CDH13: variants seen among roughly 807,000 people sequenced by gnomAD.
CDH13 encodes cadherin 13, also known as cadherin-13.
In CDH13, 24 loss-of-function variants were observed where a neutral mutation model predicts 63.8. The observed-to-expected ratio is 0.38, with a 90% CI of 0.27 to 0.53. CDH13 has a LOEUF of 0.53. Ranked by LOEUF, CDH13 falls within the 20% of genes least tolerant of loss-of-function variation. The probability of loss-of-function intolerance (pLI) is 0.85; values close to 1 mark genes in which losing one functional copy is unlikely to be tolerated. For synonymous variants in CDH13, 503 were observed against 355.3 expected (o/e 1.42, Z -4.67); for missense variants, 1,049 against 903.1 (o/e 1.16, Z -2.07).
chr16:82,838,889 A>G (rs11645173), intron 1 of CDH13, among the ~76,000 whole-genome samples: 48,101 of 152,060 alleles, frequency 0.32, 8,839 homozygotes, highest in East Asian at 0.81. Context: ...AGTGGGTTCA[A>G]CCCACAAGTC....
chr16:82,728,992 C>G (rs915877726), intron 1 of CDH13, among the ~76,000 whole-genome samples: 4 of 152,166 alleles, frequency 2.6e-5, no homozygotes, highest in South Asian at 2.1e-4. Flanking sequence ...CTATAAGAAG[C>G]AACTCCTCAT....
intron 5 of CDH13, among the ~76,000 whole-genome samples, chr16:83,332,002 T>C (rs1946283): frequency 0.57 from 87,103 of 151,968 alleles, 25,029 homozygotes; most frequent in Middle Eastern, 0.67. Flanking sequence ...GTGATGGGTG[T>C]TAACAAATTG....
At chr16:83,383,259 C>G (rs1158943457) in intron 6 of CDH13, 1 of 152,340 alleles carries the variant, frequency 6.6e-6, no homozygotes, top group African/African-American at 2.4e-5. Flanking sequence ...TGCTGGGGCA[C>G]ACACAACCAA....
chr16:83,584,102 G>A (rs1265766624), intron 7 of CDH13, among the ~76,000 whole-genome samples: 1 of 152,112 alleles, frequency 6.6e-6, no homozygotes, highest in African/African-American at 2.4e-5. Flanking sequence ...GGCCAAGATG[G>A]GCGGATCACG....
intron 2 of CDH13, among the ~76,000 whole-genome samples, chr16:82,990,812 A>T (rs773896335): frequency 9.9e-5 from 15 of 152,234 alleles, no homozygotes; most frequent in Non-Finnish European, 2.1e-4. Flanking sequence ...AAGTACTGGG[A>T]TTACAGGTGT....
intron 10 of CDH13, among the ~76,000 whole-genome samples, chr16:83,708,104 G>A (rs931859282): frequency 2.0e-5 from 3 of 152,260 alleles, no homozygotes; most frequent in East Asian, 1.9e-4. Context: ...GAACAGGCAA[G>A]CCAGAGTGCC....
At chr16:83,051,800 G>A (rs2030366361) in intron 3 of CDH13, among the ~76,000 whole-genome samples, 1 of 152,200 alleles carries the variant, frequency 6.6e-6, no homozygotes, top group African/African-American at 2.4e-5. Flanking sequence ...TATGAAGGAT[G>A]AAGTGTTCAA....
intron 7 of CDH13, among the ~76,000 whole-genome samples, chr16:83,567,622 G>C (rs922247472): frequency 6.6e-6 from 1 of 152,124 alleles, no homozygotes; most frequent in Admixed American, 6.6e-5. Flanking sequence ...TTGAGACAGA[G>C]TCTCACTCTG....
rs373196037 is a variant in CDH13, at chr16:82,842,119, T to C, written c.46-16243T>C. Reference sequence around the variant, plus strand: ...ATATATATATATATATATGTATATATATATATATATATATATATACACATA... The same window carrying C: ...ATATATATATATATATATGTATATACATATATATATATATATATACACATA... On this transcript the variant is annotated intron_variant, in intron 1 of 13. Transcript: ENST00000567109. 6.9e-4 allele frequency among the ~76,000 whole-genome samples: 32 copies of C among 46,488 alleles called. 1 individual carries two copies. Among genetic ancestry groups the C allele is most frequent in the Non-Finnish European group, 1.0e-3 (20 of 19,500 alleles). 30.5% of individuals were successfully genotyped at this position (46,488 alleles called of 152,430 possible).
At chr16:83,061,049 G>C (rs558561069) in intron 3 of CDH13, among the ~76,000 whole-genome samples, 1 of 152,290 alleles carries the variant, frequency 6.6e-6, no homozygotes, top group East Asian at 1.9e-4. Flanking sequence ...AAGAATATAG[G>C]AATAAATACG....
At chr16:82,938,574 C>G (rs2042739507) in intron 2 of CDH13, among the ~76,000 whole-genome samples, 1 of 152,174 alleles carries the variant, frequency 6.6e-6, no homozygotes, top group South Asian at 2.1e-4. Flanking sequence ...TGTCCAGAGT[C>G]TAAGACACTG....
At chr16:82,962,304 A>T (rs116282066) in intron 2 of CDH13, among the ~76,000 whole-genome samples, 67 of 152,366 alleles carry the variant, frequency 4.4e-4, no homozygotes, top group African/African-American at 1.5e-3. Context: ...CAGAGCCACC[A>T]GGAGGTGGAT....
At chr16:83,701,975 C>T (rs545624765) in intron 10 of CDH13, among the ~76,000 whole-genome samples, 1 of 152,268 alleles carries the variant, frequency 6.6e-6, no homozygotes, top group African/African-American at 2.4e-5. Context: ...CTCATTCTCT[C>T]CAGGTGTAAA....
At chr16:83,244,501 C>T (rs1021608327) in intron 5 of CDH13, among the ~76,000 whole-genome samples, 8 of 152,166 alleles carry the variant, frequency 5.3e-5, no homozygotes, top group African/African-American at 9.6e-5. Context: ...TTCTCTAAGT[C>T]TGTGCCACTG....
intron 1 of CDH13, 23 bp from the exon 2 acceptor site, chr16:82,858,339 A>G (rs1375095718): frequency 1.3e-6 from 2 of 1,531,858 alleles, no homozygotes; most frequent in African/African-American, 1.4e-5. Flanking sequence ...CTATTAAAAT[A>G]TTGATGGCTT....
At chr16:83,428,734 G>A (rs928516834) in intron 6 of CDH13, among the ~76,000 whole-genome samples, 1 of 152,208 alleles carries the variant, frequency 6.6e-6, no homozygotes, top group Non-Finnish European at 1.5e-5. Context: ...TCTTGCCTTT[G>A]TTCCTTTGGG....
intron 1 of CDH13, among the ~76,000 whole-genome samples, chr16:82,776,837 G>A (rs1220656474): frequency 6.6e-6 from 1 of 152,178 alleles, no homozygotes; most frequent in South Asian, 2.1e-4. Flanking sequence ...CAGAGAACAA[G>A]GTGTCCCAGC....
chr16:83,480,028 T>A (rs1180897831), intron 6 of CDH13, among the ~76,000 whole-genome samples: 1 of 152,142 alleles, frequency 6.6e-6, no homozygotes, highest in Non-Finnish European at 1.5e-5. Flanking sequence ...AGCCATTTTG[T>A]CAATGAAAAG....
chr16:82,639,504 ATTC>A, intron 1 of CDH13: 1 of 1,361,220 alleles, frequency 7.3e-7, no homozygotes, highest in Non-Finnish European at 1.0e-6. Context: ...GCTGGATGGA[ATTC>A]TTCCCTAGGG....
Sources: allele counts gnomAD v4.1 joint callset (sites outside exome capture counted in the v4.1 genomes callset), GRCh38; gene constraint gnomAD v4.1.1; transcripts MANE v1.5; gene names NCBI Gene and HGNC (gene_info 2026-07-23, HGNC 2026-07-21).